MAP3K7CL: variants seen among roughly 807,000 people sequenced by gnomAD.
The protein encoded by MAP3K7CL is MAP3K7 C-terminal like.
In MAP3K7CL, 16 loss-of-function variants were observed where a neutral mutation model predicts 18.6. The ratio of observed to expected loss-of-function variants is 0.86; its 90% CI spans 0.58 to 1.31. MAP3K7CL has a LOEUF of 1.31. Among genes scored for constraint, MAP3K7CL ranks in the 50% most tolerant of loss-of-function variants. The pLI is 0.00. For synonymous variants in MAP3K7CL, 65 were observed against 66.8 expected (o/e 0.97, Z 0.13); for missense variants, 163 against 174.4 (o/e 0.93, Z 0.37).
At chr21:29,171,818 A>C (rs1366040153) in intron 4 of MAP3K7CL, among the ~76,000 whole-genome samples, 5 of 151,438 alleles carry the variant, frequency 3.3e-5, no homozygotes, top group South Asian at 2.1e-4. Flanking sequence ...AAAAAAAAAA[A>C]AAAAAAAAAA....
intron 2 of MAP3K7CL, among the ~76,000 whole-genome samples, chr21:29,143,007 C>T (rs1349681197): frequency 1.3e-5 from 2 of 152,136 alleles, no homozygotes; most frequent in Admixed American, 1.3e-4. Flanking sequence ...ACACTTAAGC[C>T]ACTACTCAGA....
chr21:29,113,042 G>A lies in MAP3K7CL; in HGVS notation c.370+20461G>A, dbSNP rs555515548. Among the ~76,000 whole-genome samples, 85 of 152,138 alleles carry A rather than the reference G, an allele frequency of 5.6e-4. 1 individual carries two copies. The highest frequency in any genetic ancestry group is 1.9e-3 in the African/African-American group (79 of 41,532). On this transcript the variant is annotated intron_variant, in intron 4 of 6. Coordinates refer to the MAP3K7CL transcript ENST00000286791. ...CAGGCTAGTCTCAAACTCCTCACCC[G>A]CCTTGGCCTCCCAAAGTGCTGGGAT...
chr21:29,129,079 G>GA (rs1050396566), upstream of MAP3K7CL, among the ~76,000 whole-genome samples: 3 of 152,048 alleles, frequency 2.0e-5, no homozygotes, highest in African/African-American at 7.2e-5. Flanking sequence ...TCAATTTACA[G>GA]AAAAAAACGG....
intron 4 of MAP3K7CL, among the ~76,000 whole-genome samples, chr21:29,096,510 T>C (rs1158271462): frequency 1.3e-5 from 2 of 152,168 alleles, no homozygotes; most frequent in Non-Finnish European, 2.9e-5. Context: ...ATGTTTAAGC[T>C]GAGATCTGAA....
chr21:29,095,151 A>G (rs1249082411), intron 4 of MAP3K7CL, among the ~76,000 whole-genome samples: 19 of 151,646 alleles, frequency 1.3e-4, no homozygotes, highest in Non-Finnish European at 1.5e-5. Flanking sequence ...TAAAAAAAAA[A>G]AAAAAGAGAT....
chr21:29,155,854 T>C (rs2087391479), intron 3 of MAP3K7CL, among the ~76,000 whole-genome samples: 1 of 152,136 alleles, frequency 6.6e-6, no homozygotes, highest in South Asian at 2.1e-4. Flanking sequence ...TGTTTCAAAG[T>C]TGGCTTGAGG....
intron 2 of MAP3K7CL, among the ~76,000 whole-genome samples, chr21:29,136,551 G>GTC (rs2086890692): frequency 6.6e-6 from 1 of 151,366 alleles, no homozygotes; most frequent in Admixed American, 6.6e-5. Flanking sequence ...TTGAGACAGA[G>GTC]TCTCTCTCTG....
At chr21:29,148,041 GTA>G (rs1414700119) in intron 2 of MAP3K7CL, among the ~76,000 whole-genome samples, 1 of 151,768 alleles carries the variant, frequency 6.6e-6, no homozygotes, top group Non-Finnish European at 1.5e-5. Flanking sequence ...TACTATACCT[GTA>G]CTGTATGTAT....
At chr21:29,131,320 C>T (rs745897988) in intron 1 of MAP3K7CL, 8 of 152,176 alleles carry the variant, frequency 5.3e-5, no homozygotes, top group Non-Finnish European at 1.2e-4. Flanking sequence ...AGGAGTGCAA[C>T]TTTCCATCCT....
At chr21:29,164,474 G>A (rs980972622) in intron 4 of MAP3K7CL, among the ~76,000 whole-genome samples, 2 of 152,296 alleles carry the variant, frequency 1.3e-5, no homozygotes, top group Non-Finnish European at 2.9e-5. Context: ...TTCTTTATTG[G>A]AGTCGTTCAG....
chr21:29,091,471 C>CT (rs989993585), intron 1 of MAP3K7CL: 8 of 657,208 alleles, frequency 1.2e-5, no homozygotes, highest in African/African-American at 1.8e-5. Context: ...ATTTTCTTTT[C>CT]TTTTTTTCTT....
intron 4 of MAP3K7CL, among the ~76,000 whole-genome samples, chr21:29,095,841 G>C (rs2086113182): frequency 6.6e-6 from 1 of 152,202 alleles, no homozygotes; most frequent in Admixed American, 6.5e-5. Context: ...CAAGACTAAA[G>C]TGTCAAGGAA....
intron 2 of MAP3K7CL, among the ~76,000 whole-genome samples, chr21:29,138,351 T>C (rs1383835950): frequency 6.6e-6 from 1 of 152,188 alleles, no homozygotes; most frequent in Non-Finnish European, 1.5e-5. Context: ...AGTCGAAACT[T>C]CCTAAACTGG....
At chr21:29,090,715 T>G (rs1211824832) in intron 1 of MAP3K7CL, among the ~76,000 whole-genome samples, 1 of 151,978 alleles carries the variant, frequency 6.6e-6, no homozygotes, top group Non-Finnish European at 1.5e-5. Context: ...TTTAGTGACT[T>G]TTTTTGCATG....
At chr21:29,103,690 G>A (rs568039567) in intron 4 of MAP3K7CL, among the ~76,000 whole-genome samples, 13 of 151,916 alleles carry the variant, frequency 8.6e-5, no homozygotes, top group South Asian at 8.3e-4. Context: ...AGCCGGGATC[G>A]TGCCACTGCA....
intron 1 of MAP3K7CL, among the ~76,000 whole-genome samples, chr21:29,090,186 C>G (rs1294633632): frequency 3.3e-5 from 5 of 152,104 alleles, no homozygotes; most frequent in Non-Finnish European, 7.4e-5. Flanking sequence ...GCAGAGGGTG[C>G]ACTTTCCTTA....
At chr21:29,173,366 A>G (rs1004175819) in intron 4 of MAP3K7CL, among the ~76,000 whole-genome samples, 5 of 152,204 alleles carry the variant, frequency 3.3e-5, no homozygotes, top group African/African-American at 1.2e-4. Context: ...GATCTTTGAA[A>G]TCATATGTTA....
chr21:29,163,221 C>T (rs527855013), intron 4 of MAP3K7CL, among the ~76,000 whole-genome samples: 2 of 152,274 alleles, frequency 1.3e-5, no homozygotes, highest in South Asian at 2.1e-4. Flanking sequence ...ACAAGTGGGC[C>T]GGACCCCCTC....
At chr21:29,089,266 A>G (rs747650605) in intron 1 of MAP3K7CL, among the ~76,000 whole-genome samples, 1 of 151,326 alleles carries the variant, frequency 6.6e-6, no homozygotes, top group Non-Finnish European at 1.5e-5. Flanking sequence ...TGAATCAAGA[A>G]ACTGGGAGAA....
Sources: gnomAD v4.1 joint callset for allele counts (sites outside exome capture counted in the v4.1 genomes callset) on GRCh38, gnomAD v4.1.1 for gene constraint, MANE v1.5 for transcripts, NCBI Gene and HGNC (gene_info 2026-07-23, HGNC 2026-07-21) for gene names.